CLDN10: variants seen among roughly 807,000 people sequenced by gnomAD.
CLDN10 encodes claudin 10.
In CLDN10, 15 loss-of-function variants were observed where a neutral mutation model predicts 22.9. The observed-to-expected ratio is 0.65, with a 90% CI of 0.44 to 1.01. The LOEUF (loss-of-function observed/expected upper bound fraction) is 1.01, where lower values mean the gene tolerates loss of function less well. Ranked by LOEUF, CLDN10 falls within the 50% of genes least tolerant of loss-of-function variation. The probability of loss-of-function intolerance (pLI) is 0.00; values close to 1 mark genes in which losing one functional copy is unlikely to be tolerated. For missense variants in CLDN10, 247 were observed against 287.8 expected, an observed-to-expected ratio of 0.86 and a Z score of 1.03; for synonymous variants, 114 against 111.4, an observed-to-expected ratio of 1.02 and a Z score of -0.15.
chr13:95,551,360 C>T (rs1349819728), upstream of CLDN10, among the ~76,000 whole-genome samples: 1 of 152,190 alleles, frequency 6.6e-6, no homozygotes, highest in East Asian at 1.9e-4. Context: ...GGAGCATGGG[C>T]TAAACATTAT....
chr13:95,433,811 G>A (rs1283123199), exon 1 of CLDN10: 1 of 1,612,854 alleles, frequency 6.2e-7, no homozygotes, highest in South Asian at 1.1e-5. Flanking sequence ...ACCGGACAGT[G>A]TCACTGGAGA....
chr13:95,523,046 A>G (rs543501753), intron 1 of CLDN10, among the ~76,000 whole-genome samples: 2 of 151,864 alleles, frequency 1.3e-5, no homozygotes, highest in African/African-American at 4.8e-5. Flanking sequence ...TTTACATCTA[A>G]TATATTTATG....
intron 3 of CLDN10, among the ~76,000 whole-genome samples, chr13:95,576,777 G>A (rs1271184327): frequency 1.3e-5 from 2 of 152,184 alleles, no homozygotes; most frequent in Non-Finnish European, 2.9e-5. Flanking sequence ...GATTAGTGAC[G>A]ATTTGCACAT....
chr13:95,558,562 C>T (rs1180288056), intron 1 of CLDN10, among the ~76,000 whole-genome samples: 1 of 152,184 alleles, frequency 6.6e-6, no homozygotes, highest in African/African-American at 2.4e-5. Flanking sequence ...AGTAGAGCAG[C>T]TCCTGTTTGC....
upstream of CLDN10, among the ~76,000 whole-genome samples, chr13:95,548,729 T>C (rs1402392153): frequency 1.3e-5 from 2 of 152,234 alleles, no homozygotes; most frequent in East Asian, 3.8e-4. Context: ...TAACAATACT[T>C]GGCTCCTGGG....
chr13:95,485,030 C>T (rs1943602791), intron 1 of CLDN10, among the ~76,000 whole-genome samples: 1 of 152,062 alleles, frequency 6.6e-6, no homozygotes, highest in African/African-American at 2.4e-5. Context: ...AACATCCAAG[C>T]CTAGACAGAT....
intron 1 of CLDN10, among the ~76,000 whole-genome samples, chr13:95,502,767 C>T (rs1037118342): frequency 6.6e-5 from 10 of 152,254 alleles, no homozygotes; most frequent in Admixed American, 3.3e-4. Context: ...GTGATCCGCC[C>T]GCCTCAGCCT....
intron 1 of CLDN10, among the ~76,000 whole-genome samples, chr13:95,544,651 GA>G (rs1434690485): frequency 6.6e-6 from 1 of 152,110 alleles, no homozygotes; most frequent in Non-Finnish European, 1.5e-5. Context: ...TTACTATTCA[GA>G]AGTCATGTAT....
intron 1 of CLDN10, among the ~76,000 whole-genome samples, chr13:95,467,558 A>G (rs993013284): frequency 2.0e-5 from 3 of 152,060 alleles, no homozygotes; most frequent in Non-Finnish European, 4.4e-5. Context: ...GTTGATGAGT[A>G]ATACTTTCTG....
At chr13:95,455,197 G>C (rs942105176) in intron 1 of CLDN10, among the ~76,000 whole-genome samples, 4 of 123,068 alleles carry the variant, frequency 3.3e-5, no homozygotes, top group African/African-American at 1.2e-4. Context: ...GCCTCTAATA[G>C]AAAAAAAAAA....
At chr13:95,534,794 G>T (rs1156724286) in intron 1 of CLDN10, among the ~76,000 whole-genome samples, 1 of 151,874 alleles carries the variant, frequency 6.6e-6, no homozygotes, top group Non-Finnish European at 1.5e-5. Context: ...AAACTTCAGG[G>T]TTTTTTTTCT....
intron 1 of CLDN10, among the ~76,000 whole-genome samples, chr13:95,511,547 A>G (rs2043098568): frequency 6.6e-6 from 1 of 151,860 alleles, no homozygotes; most frequent in African/African-American, 2.4e-5. Context: ...AGAAGAGGAG[A>G]GGAAGCTTCT....
rs371976897 is a variant in CLDN10 at position 95,560,167 on chromosome 13, G to T, written c.256G>T (p.Ala86Ser). The T allele has an allele frequency of 5.4e-5, 87 of 1,614,058 alleles. No individual in the cohort carries two copies. The highest frequency in any genetic ancestry group is 6.9e-5 in the Non-Finnish European group (82 of 1,180,002). The change falls in exon 2 of 5, where the codon GCT becomes TCT. Residue 86 changes from alanine (A) to serine (S), a missense_variant. Ala to Ser is a moderately conservative substitution (Grantham distance 99). Transcript: ENST00000299339. ...GGCATGTAGAGGACTTATGATCGCTGCTGTCAGCCTGGGCTTCTTTGGTTC... is the reference window on the plus strand; with the variant it reads ...GGCATGTAGAGGACTTATGATCGCTTCTGTCAGCCTGGGCTTCTTTGGTTC... ...IQACRGLMIA[A>S]VSLGFFGSIF...
intron 1 of CLDN10, among the ~76,000 whole-genome samples, chr13:95,495,225 C>G (rs1327871364): frequency 6.6e-6 from 1 of 151,398 alleles, no homozygotes; most frequent in Non-Finnish European, 1.5e-5. Context: ...TTTGTAGTGA[C>G]GGGGTTTCAT....
intron 1 of CLDN10, among the ~76,000 whole-genome samples, chr13:95,450,898 T>C (rs1469803592): frequency 6.6e-6 from 1 of 152,256 alleles, no homozygotes; most frequent in Non-Finnish European, 1.5e-5. Context: ...CTCCAGTTCC[T>C]GGGCTCTGTT....
intron 1 of CLDN10, among the ~76,000 whole-genome samples, chr13:95,500,288 CG>C (rs1322907462): frequency 6.6e-6 from 1 of 152,114 alleles, no homozygotes; most frequent in Non-Finnish European, 1.5e-5. Flanking sequence ...GCGAGTGAGG[CG>C]GGGTCTAAAT....
At position 95,495,576 on chromosome 13, in the gene CLDN10, C is replaced by T. The variant is rs555108711; in HGVS notation, c.214+61529C>T. On this transcript the variant is annotated intron_variant, in intron 1 of 4. Coordinates refer to the CLDN10 transcript ENST00000376873. Reference sequence around the variant, plus strand: ...TGGCTAACACAGTGAAACCCCGTCTCTACTAAAAATATAAAAATTTAGCCG... The same window carrying T: ...TGGCTAACACAGTGAAACCCCGTCTTTACTAAAAATATAAAAATTTAGCCG... Among the ~76,000 whole-genome samples, 10 of 151,226 alleles carry T rather than the reference C, an allele frequency of 6.6e-5. 1 individual carries two copies. In the South Asian group the frequency reaches 2.1e-3, roughly 32 times the overall value.
At position 95,560,229 on chromosome 13, in the gene CLDN10, C is replaced by T. The variant is rs374567220; in HGVS notation, c.318C>T (p.Val106=). Residue 106 remains valine (V), a synonymous_variant, in exon 2 of 5, where the codon GTC becomes GTT. Transcript: ENST00000299339. Reference sequence around the variant, plus strand: ...TCTTTGGAATGAAGTGTACCAAAGTCGGAGGCTCCGATAAAGCCAAAGCTA... The same window carrying T: ...TCTTTGGAATGAAGTGTACCAAAGTTGGAGGCTCCGATAAAGCCAAAGCTA... The part of the protein sequence containing the change: ...FALFGMKCTK[V]GGSDKAKAKI... The T allele has an allele frequency of 3.2e-5, 51 of 1,614,048 alleles. No individual in the cohort carries two copies. Among genetic ancestry groups the T allele is most frequent in the Admixed American group, 8.3e-5 (5 of 60,010 alleles).
At chr13:95,547,382 A>G (rs1233285768) in intron 1 of CLDN10, among the ~76,000 whole-genome samples, 1 of 152,138 alleles carries the variant, frequency 6.6e-6, no homozygotes, top group Non-Finnish European at 1.5e-5. Context: ...TGAGATTTGC[A>G]ATACACTTCA....
Sources: allele counts gnomAD v4.1 joint callset (sites outside exome capture counted in the v4.1 genomes callset), GRCh38; gene constraint gnomAD v4.1.1; transcripts MANE v1.5; gene names NCBI Gene and HGNC (gene_info 2026-07-23, HGNC 2026-07-21).